PRELID2: variants seen among roughly 807,000 people sequenced by gnomAD.
PRELID2 encodes PRELI domain containing 2.
A neutral mutation model predicts 28.4 loss-of-function variants in PRELID2; 25 were observed. That is an observed-to-expected ratio of 0.88 (90% CI 0.64 to 1.23). The LOEUF (loss-of-function observed/expected upper bound fraction) is 1.23. Ranked by LOEUF, PRELID2 falls within the 50% of genes most tolerant of loss-of-function variation. PRELID2 has a pLI of 0.00. For missense variants in PRELID2, 201 were observed against 214.4 expected, an observed-to-expected ratio of 0.94 and a Z score of 0.39; for synonymous variants, 76 against 71.6, an observed-to-expected ratio of 1.06 and a Z score of -0.31.
At chr5:145,707,016 C>T (rs140507210) in intron 1 of PRELID2, among the ~76,000 whole-genome samples, 45 of 152,318 alleles carry the variant, frequency 3.0e-4, no homozygotes, top group African/African-American at 1.0e-3. Flanking sequence ...CTGCATTTGA[C>T]ACAATCCTTA....
At chr5:145,377,326 A>G in the PRELID2 span, among the ~76,000 whole-genome samples, 3 of 152,082 alleles carry the variant, frequency 2.0e-5, no homozygotes, top group Admixed American at 1.3e-4. Context: ...TCAGTTTTAG[A>G]GTATGTGCAG....
chr5:145,538,884 T>G (rs1312733796), intron 1 of PRELID2, among the ~76,000 whole-genome samples: 1 of 151,804 alleles, frequency 6.6e-6, no homozygotes, highest in Non-Finnish European at 1.5e-5. Context: ...AAGGAAAGAT[T>G]TATAAAGGCC....
the PRELID2 span, chr5:145,229,149 T>G: frequency 2.9e-6 from 3 of 1,039,058 alleles, no homozygotes; most frequent in East Asian, 7.2e-5. Context: ...GGGGGCCAAG[T>G]GTGTGTCCCA....
Position 145,641,812 on chromosome 5 carries a change from A to G in PRELID2, n.70+123119T>C, listed in dbSNP as rs1340760796. 2.6e-5 allele frequency among the ~76,000 whole-genome samples: 4 copies of G among 152,344 alleles called. No individual in the cohort carries two copies. The East Asian group carries it at 7.7e-4, about 29-fold the overall frequency. ...TAGTTTGCTGAGAATGACGGTTTCCAGCTTCATCTATGTCCCTGCAAAGGA... is the reference window on the plus strand; with the variant it reads ...TAGTTTGCTGAGAATGACGGTTTCCGGCTTCATCTATGTCCCTGCAAAGGA... On this transcript the variant is annotated intron_variant and non_coding_transcript_variant, in intron 1 of 2. Transcript: ENST00000510259.
chr5:145,283,096 T>C, the PRELID2 span, among the ~76,000 whole-genome samples: 14 of 152,294 alleles, frequency 9.2e-5, no homozygotes, highest in South Asian at 2.7e-3. Context: ...TACAAGTTCA[T>C]TTCAGCCGCC....
At chr5:145,772,810 G>T (rs999841664) in intron 5 of PRELID2, among the ~76,000 whole-genome samples, 7 of 152,140 alleles carry the variant, frequency 4.6e-5, no homozygotes, top group African/African-American at 1.7e-4. Flanking sequence ...TAATAAATAA[G>T]TCAGGTATTT....
At chr5:145,581,667 C>A (rs1407642589) in intron 1 of PRELID2, among the ~76,000 whole-genome samples, 2 of 151,976 alleles carry the variant, frequency 1.3e-5, no homozygotes, top group African/African-American at 4.8e-5. Context: ...ATTATTTGGC[C>A]TGCATGGTAC....
intron 1 of PRELID2, among the ~76,000 whole-genome samples, chr5:145,664,959 T>C (rs922940814): frequency 1.3e-5 from 2 of 152,048 alleles, no homozygotes; most frequent in African/African-American, 2.4e-5. Flanking sequence ...ATGCTTCCTA[T>C]CCCATTAAAA....
chr5:145,657,680 G>A (rs112933820), intron 1 of PRELID2, among the ~76,000 whole-genome samples: 3,802 of 151,994 alleles, frequency 0.025, 159 homozygotes, highest in African/African-American at 0.087. Context: ...GCAAGACTCC[G>A]TCTCAAAAAA....
chr5:145,402,593 A>T, the PRELID2 span, among the ~76,000 whole-genome samples: 8 of 152,152 alleles, frequency 5.3e-5, no homozygotes, highest in Non-Finnish European at 1.0e-4. Flanking sequence ...TGGGTGTGTG[A>T]CCTTGAAAAA....
chr5:145,636,107 C>G (rs193025450), intron 1 of PRELID2, among the ~76,000 whole-genome samples: 1 of 152,192 alleles, frequency 6.6e-6, no homozygotes, highest in Admixed American at 6.5e-5. Context: ...AGTTGCCTAG[C>G]ACTATTCTAA....
chr5:145,270,863 C>T, the PRELID2 span, among the ~76,000 whole-genome samples: 24 of 152,138 alleles, frequency 1.6e-4, no homozygotes, highest in Admixed American at 1.2e-3. Context: ...CATTTTCACA[C>T]TGCTATAAAG....
chr5:145,521,588 A>G (rs1752563307), intron 1 of PRELID2, among the ~76,000 whole-genome samples: 1 of 152,152 alleles, frequency 6.6e-6, no homozygotes, highest in African/African-American at 2.4e-5. Context: ...ACATATATAT[A>G]AGGTATATCT....
chr5:145,394,562 C>A, the PRELID2 span, among the ~76,000 whole-genome samples: 1 of 151,892 alleles, frequency 6.6e-6, no homozygotes, highest in African/African-American at 2.4e-5. Context: ...TGCACATGTA[C>A]CCTAAAACTT....
the PRELID2 span, among the ~76,000 whole-genome samples, chr5:145,259,148 G>A: frequency 6.6e-6 from 1 of 152,218 alleles, no homozygotes; most frequent in Admixed American, 6.5e-5. Context: ...TTTAGAGGAT[G>A]TATGAAAAAT....
chr5:145,551,807 C>T (rs535309179), intron 1 of PRELID2, among the ~76,000 whole-genome samples: 11 of 152,266 alleles, frequency 7.2e-5, no homozygotes, highest in South Asian at 4.1e-4. Flanking sequence ...GGAAGAGCAA[C>T]ATCTTCAAGA....
At chr5:145,438,724 G>A in the PRELID2 span, among the ~76,000 whole-genome samples, 2 of 152,152 alleles carry the variant, frequency 1.3e-5, no homozygotes, top group Non-Finnish European at 2.9e-5. Flanking sequence ...ACCTGCTCTC[G>A]GAAACCTCAT....
At chr5:145,478,948 G>A (rs1329581142) in intron 1 of PRELID2, among the ~76,000 whole-genome samples, 1 of 152,096 alleles carries the variant, frequency 6.6e-6, no homozygotes, top group Non-Finnish European at 1.5e-5. Context: ...AATAGAAAAA[G>A]CTTTGACCTC....
intron 1 of PRELID2, among the ~76,000 whole-genome samples, chr5:145,743,071 G>A (rs1392294796): frequency 4.6e-5 from 7 of 152,028 alleles, no homozygotes; most frequent in Non-Finnish European, 1.0e-4. Flanking sequence ...TAGGGGGCGG[G>A]GCTAAAATGA....
Sources: allele counts gnomAD v4.1 joint callset (sites outside exome capture counted in the v4.1 genomes callset), GRCh38; gene constraint gnomAD v4.1.1; transcripts MANE v1.5; gene names NCBI Gene and HGNC (gene_info 2026-07-23, HGNC 2026-07-21).